The following CDC16 variants were observed in gnomAD, a reference collection of about 807,000 sequenced individuals.
The protein encoded by CDC16 is cell division cycle 16.
A neutral mutation model predicts 87.0 loss-of-function variants in CDC16; 34 were observed. The ratio of observed to expected loss-of-function variants is 0.39; its 90% confidence interval spans 0.30 to 0.52. The LOEUF (loss-of-function observed/expected upper bound fraction) is 0.52, where lower values mean the gene tolerates loss of function less well. CDC16 is among the 20% of genes least tolerant of loss of function. The probability of loss-of-function intolerance (pLI) is 0.74; values close to 1 mark genes in which losing one functional copy is unlikely to be tolerated. For synonymous variants in CDC16, 263 were observed against 260.6 expected, an observed-to-expected ratio of 1.01 and a Z score of -0.09; for missense variants, 653 against 751.9, an observed-to-expected ratio of 0.87 and a Z score of 1.54.
chr13:114,243,692 A>C (rs1400512400), intron 7 of CDC16, among the ~76,000 whole-genome samples, 164 bp from the exon 8 acceptor site: 1 of 152,238 alleles, frequency 6.6e-6, no homozygotes, highest in Non-Finnish European at 1.5e-5. Context: ...AGGGAATTAA[A>C]CTTACTGAGA....
intron 4 of CDC16, 138 bp from the exon 5 acceptor site, chr13:114,239,212 C>T (rs2081416524): frequency 1.4e-6 from 2 of 1,406,072 alleles, no homozygotes; most frequent in African/African-American, 1.4e-5. Flanking sequence ...CACATGCTGA[C>T]ATGCATGAAG....
chr13:114,267,627 GAA>G (rs2083316457), intron 17 of CDC16, among the ~76,000 whole-genome samples: 1 of 152,160 alleles, frequency 6.6e-6, no homozygotes, highest in African/African-American at 2.4e-5. Flanking sequence ...CTGTGGGCTT[GAA>G]AATGATACAA....
Position 114,236,628 on chromosome 13 carries a change from T to A in CDC16, c.49-17T>A. ...ATAACAGGGCAGTTACCACCTTTTT[T>A]TTTTTTTGGTATGCAGCAACAGTAT... On this transcript the variant is annotated splice_polypyrimidine_tract_variant and intron_variant, in intron 1 of 17. Coordinates refer to ENST00000356221, the MANE Select transcript of CDC16 (RefSeq NM_001078645.3). 1 of 1,605,336 alleles carries A rather than the reference T, an allele frequency of 6.2e-7. No individual in the cohort carries two copies. The highest frequency in any genetic ancestry group is 8.5e-7 in the Non-Finnish European group (1 of 1,178,130).
chr13:114,245,069 A>G (rs2081785258), intron 9 of CDC16, 100 bp downstream of exon 9: 1 of 661,622 alleles, frequency 1.5e-6, no homozygotes, highest in Non-Finnish European at 2.6e-6. Flanking sequence ...TTGAGATTGC[A>G]GGTAACAACA....
intron 11 of CDC16, among the ~76,000 whole-genome samples, chr13:114,249,955 TGTG>T (rs58147613): frequency 0.062 from 9,443 of 152,272 alleles, 576 homozygotes; most frequent in African/African-American, 0.15. Flanking sequence ...TAGTGTTTAA[TGTG>T]GTGACAGCTT....
intron 12 of CDC16, among the ~76,000 whole-genome samples, 184 bp from the exon 13 acceptor site, chr13:114,256,894 G>A (rs565072321): frequency 1.7e-4 from 26 of 152,242 alleles, no homozygotes; most frequent in South Asian, 4.2e-4. Flanking sequence ...TTCTAGAAGT[G>A]GCAGCTGATT....
At chr13:114,252,024 C>T (rs2082213187) in intron 12 of CDC16, among the ~76,000 whole-genome samples, 1 of 150,230 alleles carries the variant, frequency 6.7e-6, no homozygotes, top group Admixed American at 6.6e-5. Context: ...AAGAGCCTTA[C>T]ACTAGCCCTG....
chr13:114,242,397 C>T, intron 6 of CDC16, 117 bp downstream of exon 6: 1 of 883,032 alleles, frequency 1.1e-6, no homozygotes, highest in Non-Finnish European at 1.8e-6. Context: ...AATAGACCTA[C>T]TCACTTTCTT....
chr13:114,265,865 G>A (rs2083177403), intron 17 of CDC16, among the ~76,000 whole-genome samples: 1 of 151,898 alleles, frequency 6.6e-6, no homozygotes, highest in Non-Finnish European at 1.5e-5. Context: ...GCCCAGGCTG[G>A]AGTGCAATGG....
rs1344330596 is a variant in CDC16, at chr13:114,239,614, A to G, written c.381+124A>G. ...AACAATTGTGGTTGCCAATTTATTT[A>G]ATTTGCCCACCAAAACCAAAAAAGA... On this transcript the variant is annotated intron_variant, in intron 5 of 17. Transcript: ENST00000356221. 3.1e-6 allele frequency: 4 copies of G among 1,269,942 alleles called. No homozygotes were observed. The African/African-American group carries it at 6.2e-5, about 20-fold the overall frequency. The allele number at this position is 1,269,942 out of a possible 1,614,324, so 78.7% of individuals were successfully genotyped here. A position where few individuals can be genotyped will look rare whatever the true frequency, so the allele number is the denominator to read the frequency against.
intron 15 of CDC16, 21 bp downstream of exon 15, chr13:114,261,969 T>C: frequency 3.4e-6 from 5 of 1,490,330 alleles, no homozygotes; most frequent in Non-Finnish European, 4.6e-6. Flanking sequence ...TAGAGCATTT[T>C]CAGAAATATA....
chr13:114,266,997 A>G (rs1037590666), intron 17 of CDC16, among the ~76,000 whole-genome samples: 6 of 152,060 alleles, frequency 3.9e-5, no homozygotes, highest in African/African-American at 1.2e-4. Context: ...TGTCTGGCCA[A>G]TATTACTGAA....
In CDC16 at chr13:114,235,003, A is replaced by C; in HGVS notation, c.-82A>C. 3.5e-6 allele frequency: 4 copies of C among 1,132,718 alleles called. No individual in the cohort carries two copies. Among genetic ancestry groups the C allele is most frequent in the South Asian group, 3.7e-5 (1 of 26,744 alleles). The allele number at this position is 1,132,718 out of a possible 1,614,324, so 70.2% of individuals were successfully genotyped here. On this transcript the variant is annotated 5_prime_UTR_variant, in exon 1 of 18. Transcript: ENST00000356221. ...GGCGGCGGCGGCTGCAGGCACGGGC[A>C]CGGGCACGGGGCGGGGTGCTTAGGG...
chr13:114,253,847 T>C (rs1372838059), intron 12 of CDC16, among the ~76,000 whole-genome samples: 2 of 152,214 alleles, frequency 1.3e-5, no homozygotes, highest in Non-Finnish European at 2.9e-5. Context: ...TCTTTCCTCA[T>C]TGATCTTCTA....
chr13:114,255,175 C>T (rs1203409578), intron 12 of CDC16, among the ~76,000 whole-genome samples: 1 of 152,160 alleles, frequency 6.6e-6, no homozygotes, highest in Non-Finnish European at 1.5e-5. Context: ...GGCAGATGTA[C>T]TAATGACAGA....
At chr13:114,261,981 T>G (rs767776087) in intron 15 of CDC16, 33 bp downstream of exon 15, 2 of 1,366,094 alleles carry the variant, frequency 1.5e-6, no homozygotes, top group Admixed American at 1.9e-5. Flanking sequence ...AGAAATATAC[T>G]TTGTGTCTCA....
intron 3 of CDC16, among the ~76,000 whole-genome samples, chr13:114,237,449 C>T (rs927209997): frequency 6.6e-5 from 10 of 152,048 alleles, no homozygotes; most frequent in Middle Eastern, 3.4e-3. Flanking sequence ...GCCACCACAC[C>T]CAGCTAATTT....
At chr13:114,269,578 G>A (rs1420496808) in intron 17 of CDC16, among the ~76,000 whole-genome samples, 1 of 152,174 alleles carries the variant, frequency 6.6e-6, no homozygotes, top group Non-Finnish European at 1.5e-5. Flanking sequence ...AACTGGAAAT[G>A]ACTCAAACGT....
chr13:114,272,529 C>G lies in CDC16; in HGVS notation c.*86C>G. 8.6e-7 allele frequency: 1 copy of G among 1,167,324 alleles called. No individual in the cohort carries two copies. Among genetic ancestry groups the G allele is most frequent in the Non-Finnish European group, 1.2e-6 (1 of 822,172 alleles). The allele number at this position is 1,167,324 out of a possible 1,614,324, so 72.3% of individuals were successfully genotyped here. The stretch of plus-strand genomic sequence containing the variant: ...TCCATGGCTTAAGAATGTCCCACTT[C>G]CTAACGTGACTCCAAACTGCATCTC... On this transcript the variant is annotated 3_prime_UTR_variant, in exon 18 of 18. Transcript: ENST00000356221.
Sources: allele counts gnomAD v4.1 joint callset (sites outside exome capture counted in the v4.1 genomes callset), GRCh38; gene constraint gnomAD v4.1.1; transcripts MANE v1.5; gene names NCBI Gene and HGNC (gene_info 2026-07-23, HGNC 2026-07-21).